The following OLFM3 variants were observed in gnomAD, a reference collection of about 807,000 sequenced individuals.
The protein encoded by OLFM3 is olfactomedin 3.
Under a neutral mutation model 48.6 loss-of-function variants are expected in OLFM3, and 20 were observed. That is an observed-to-expected ratio of 0.41 (90% confidence interval 0.29 to 0.60). The LOEUF (loss-of-function observed/expected upper bound fraction) is 0.60. Among genes scored for constraint, OLFM3 ranks in the 20% least tolerant of loss-of-function variants. The pLI is 0.28. For synonymous variants in OLFM3, 222 were observed against 198.1 expected, an observed-to-expected ratio of 1.12 and a Z score of -1.01; for missense variants, 437 against 544.3, an observed-to-expected ratio of 0.80 and a Z score of 1.96.
At chr1:101,949,036 A>T (rs1173838493) in intron 1 of OLFM3, among the ~76,000 whole-genome samples, 2 of 151,754 alleles carry the variant, frequency 1.3e-5, no homozygotes, top group Non-Finnish European at 2.9e-5. Flanking sequence ...ATATAAAAAA[A>T]GTTCTTCCTA....
chr1:101,887,512 T>A (rs1657808970), intron 1 of OLFM3, among the ~76,000 whole-genome samples: 2 of 151,986 alleles, frequency 1.3e-5, no homozygotes, highest in South Asian at 4.1e-4. Context: ...TCCAGTAAGA[T>A]CTTAAGGTCA....
chr1:101,822,701 T>C (rs1654667250), intron 4 of OLFM3, among the ~76,000 whole-genome samples: 1 of 152,296 alleles, frequency 6.6e-6, no homozygotes, highest in East Asian at 1.9e-4. Flanking sequence ...ATTTACTTGT[T>C]ATCTTATTTT....
intron 1 of OLFM3, among the ~76,000 whole-genome samples, chr1:101,871,173 A>G (rs1025916455): frequency 2.0e-5 from 3 of 152,238 alleles, no homozygotes; most frequent in South Asian, 4.1e-4. Context: ...AATGCTAAAT[A>G]CTTGACAAAA....
At chr1:101,825,325 A>T in intron 3 of OLFM3, 80 bp from the exon 4 acceptor site, 1 of 1,096,244 alleles carries the variant, frequency 9.1e-7, no homozygotes, top group Non-Finnish European at 1.3e-6. Flanking sequence ...TGATACTTAA[A>T]GGAAATTATT....
At chr1:101,863,436 T>C (rs1055418475) in intron 1 of OLFM3, among the ~76,000 whole-genome samples, 1 of 152,204 alleles carries the variant, frequency 6.6e-6, no homozygotes, top group Non-Finnish European at 1.5e-5. Flanking sequence ...AACTTGTATG[T>C]TTTAGAGAAG....
chr1:101,916,089 A>C (rs984717122), intron 1 of OLFM3, among the ~76,000 whole-genome samples: 2 of 152,188 alleles, frequency 1.3e-5, no homozygotes, highest in Non-Finnish European at 2.9e-5. Context: ...GAATCTTTGT[A>C]ATTTAAAAAG....
At chr1:101,902,096 A>G (rs574783439) in intron 1 of OLFM3, among the ~76,000 whole-genome samples, 3 of 152,028 alleles carry the variant, frequency 2.0e-5, no homozygotes, top group African/African-American at 7.2e-5. Context: ...AAATAGAACT[A>G]GATATAGAAA....
At chr1:101,994,482 G>C (rs1023782794) in intron 1 of OLFM3, among the ~76,000 whole-genome samples, 1 of 150,042 alleles carries the variant, frequency 6.7e-6, no homozygotes, top group Non-Finnish European at 1.5e-5. Flanking sequence ...TAAGTAACTA[G>C]TAGAATGAAA....
At chr1:101,899,478 G>A (rs1658320014) in intron 1 of OLFM3, among the ~76,000 whole-genome samples, 4 of 152,162 alleles carry the variant, frequency 2.6e-5, no homozygotes. Flanking sequence ...ATTCATAAAA[G>A]GGAGTTACTA....
intron 2 of OLFM3, among the ~76,000 whole-genome samples, chr1:101,832,289 T>C (rs2039943): frequency 0.5 from 76,755 of 152,138 alleles, 19,670 homozygotes; most frequent in East Asian, 0.64. Context: ...GGATGACTTG[T>C]TCAGACACAA....
intron 1 of OLFM3, among the ~76,000 whole-genome samples, chr1:101,876,185 AAT>A (rs1424303537): frequency 6.6e-6 from 1 of 151,986 alleles, no homozygotes; most frequent in Non-Finnish European, 1.5e-5. Context: ...ATTGTTTATA[AAT>A]ATTCATTTCA....
intron 1 of OLFM3, among the ~76,000 whole-genome samples, chr1:101,841,609 T>C (rs1007883623): frequency 6.6e-6 from 1 of 152,166 alleles, no homozygotes; most frequent in Admixed American, 6.5e-5. Context: ...GAGGAACAGA[T>C]AGCAGTACAG....
At chr1:101,825,402 T>C (rs1031733882) in intron 3 of OLFM3, among the ~76,000 whole-genome samples, 157 bp from the exon 4 acceptor site, 21 of 152,212 alleles carry the variant, frequency 1.4e-4, no homozygotes, top group Admixed American at 1.3e-4. Context: ...ATTTAAGCGG[T>C]CATGTGATTA....
chr1:101,971,012 A>G (rs973274290), intron 1 of OLFM3, among the ~76,000 whole-genome samples: 4 of 152,260 alleles, frequency 2.6e-5, no homozygotes, highest in African/African-American at 9.6e-5. Context: ...TATATGCCAT[A>G]TAAAGGAGTT....
At chr1:101,986,105 A>G (rs887266194) in intron 1 of OLFM3, among the ~76,000 whole-genome samples, 3 of 151,794 alleles carry the variant, frequency 2.0e-5, no homozygotes, top group African/African-American at 7.3e-5. Context: ...AGCTGGGACT[A>G]CAGGCGCCCG....
In OLFM3 at chr1:101,825,143, T is replaced by G; in HGVS notation, c.475A>C (p.Asn159His). 1 of 1,614,064 alleles carries G rather than the reference T, an allele frequency of 6.2e-7. No individual in the cohort carries two copies. Among genetic ancestry groups the G allele is most frequent in the Non-Finnish European group, 8.5e-7 (1 of 1,179,958 alleles). ...ATACCAGTGAGGACAGCAGACAGATTCCTTATTTCCTCCTTGAACTGGGTG... is the reference window on the plus strand; with the variant it reads ...ATACCAGTGAGGACAGCAGACAGATGCCTTATTTCCTCCTTGAACTGGGTG... ...LITQFKEEIR[N>H]LSAVLTGIQE... Residue 159 changes from asparagine (N) to histidine (H), a missense_variant, in exon 4 of 6, where the codon AAT (asparagine) becomes CAT (histidine). This residue lies in a region of OLFM3 where 314 missense variants were observed against 365.5 expected (regional missense o/e 0.86). Transcript: ENST00000370103.
At chr1:101,879,957 G>C (rs1382926785) in intron 1 of OLFM3, among the ~76,000 whole-genome samples, 1 of 151,586 alleles carries the variant, frequency 6.6e-6, no homozygotes, top group Non-Finnish European at 1.5e-5. Context: ...CTAAAATCTG[G>C]GATTATAAAA....
chr1:101,985,705 T>G (rs1350368000), intron 1 of OLFM3, among the ~76,000 whole-genome samples: 1 of 152,174 alleles, frequency 6.6e-6, no homozygotes, highest in East Asian at 1.9e-4. Flanking sequence ...CAATTAAATT[T>G]GCAAAAACTA....
chr1:101,921,857 A>C (rs940620291), intron 1 of OLFM3, among the ~76,000 whole-genome samples: 7 of 152,158 alleles, frequency 4.6e-5, no homozygotes, highest in African/African-American at 1.7e-4. Flanking sequence ...CAGGAGTTCA[A>C]GACCAACCTG....
Sources: gnomAD v4.1 joint callset for allele counts (sites outside exome capture counted in the v4.1 genomes callset) on GRCh38, gnomAD v4.1.1 for gene constraint, gnomAD v4.1.1 regional missense constraint, MANE v1.5 for transcripts, NCBI Gene and HGNC (gene_info 2026-07-23, HGNC 2026-07-21) for gene names.